Variants in C2CD3 observed in about 807,000 individuals in gnomAD.
C2CD3 encodes C2 domain-containing protein 3.
In C2CD3, 148 loss-of-function variants were observed where a neutral mutation model predicts 234.0. The ratio of observed to expected loss-of-function variants is 0.63; its 90% CI spans 0.55 to 0.72. The LOEUF is 0.72. C2CD3 is among the 30% of genes least tolerant of loss of function. C2CD3 has a pLI of 0.00. For synonymous variants in C2CD3, 1,000 were observed against 1,035.4 expected, an observed-to-expected ratio of 0.97 and a Z score of 0.66; for missense variants, 2,577 against 2,811.5, an observed-to-expected ratio of 0.92 and a Z score of 1.89.
chr11:74,073,805 G>A (rs1954908943), intron 24 of C2CD3, among the ~76,000 whole-genome samples: 1 of 152,078 alleles, frequency 6.6e-6, no homozygotes, highest in African/African-American at 2.4e-5. Context: ...TTTAGCTAGA[G>A]GTTGCTAAAA....
At chr11:74,035,895 CTG>C (rs1404851199) in intron 30 of C2CD3, among the ~76,000 whole-genome samples, 2 of 151,958 alleles carry the variant, frequency 1.3e-5, no homozygotes. Context: ...GAGTCTTACT[CTG>C]TTGTCCAGGC....
chr11:74,112,690 T>C (rs1364612645), intron 11 of C2CD3, among the ~76,000 whole-genome samples: 1 of 152,100 alleles, frequency 6.6e-6, no homozygotes, highest in Non-Finnish European at 1.5e-5. Context: ...AATAAGCACA[T>C]GAAAAGATGC....
At position 74,042,081 on chromosome 11, in the gene C2CD3, G is replaced by C. The variant is rs1232956610; in HGVS notation, c.5633C>G (p.Ser1878Cys). The C allele has an allele frequency of 1.9e-6, 3 of 1,613,938 alleles. No individual in the cohort carries two copies. The highest frequency in any genetic ancestry group is 2.2e-5 in the East Asian group (1 of 44,894). Residue 1878 changes from serine (S) to cysteine (C), a missense_variant, in exon 29 of 33, where the codon TCC becomes TGC. Coordinates refer to ENST00000334126, the MANE Select transcript of C2CD3 (RefSeq NM_001286577.2). ...DDKLTTSPLS[S>C]QTSILTSLRK... Reference sequence around the variant, plus strand: ...GAGAGAAGTCAGAATGGAGGTTTGGGAGGACAAAGGTGATGTGGTCAGTTT... The same window carrying C: ...GAGAGAAGTCAGAATGGAGGTTTGGCAGGACAAAGGTGATGTGGTCAGTTT...
At chr11:74,052,095 G>A (rs557179665) in intron 26 of C2CD3, among the ~76,000 whole-genome samples, 7 of 152,206 alleles carry the variant, frequency 4.6e-5, no homozygotes, top group Non-Finnish European at 1.0e-4. Context: ...CCAGGCATAA[G>A]TGGGCTAAGG....
intron 26 of C2CD3, 94 bp downstream of exon 26, chr11:74,054,507 GAAAAAA>G (rs869085401): frequency 9.0e-4 from 247 of 275,258 alleles, no homozygotes; most frequent in Non-Finnish European, 9.3e-4. Flanking sequence ...ACTTGGTTTG[GAAAAAA>G]AAAAAAAAAA....
intron 31 of C2CD3, among the ~76,000 whole-genome samples, chr11:74,031,600 G>C (rs557897168): frequency 3.3e-5 from 5 of 152,186 alleles, no homozygotes; most frequent in Non-Finnish European, 5.9e-5. Context: ...ACAATAAACT[G>C]TCAGTATCTA....
At position 74,085,710 on chromosome 11, in the gene C2CD3, G is replaced by C; in HGVS notation, c.3818C>G (p.Thr1273Ser). The change falls in exon 21 of 33, where the codon ACT (threonine) becomes AGT (serine). Residue 1273 changes from threonine (T) to serine (S), a missense_variant. By Grantham distance (58) the Thr-to-Ser change is moderately conservative (BLOSUM62 1). Coordinates refer to ENST00000334126, the MANE Select transcript of C2CD3 (RefSeq NM_001286577.2). ...HHVEFTCNLV[T>S]QHCSGEACFL... is the part of the protein sequence containing the mutation. ...ACAGGCCTCTCCACTACAGTGCTGA[G>C]TCACCAAGTTACATGTGAACTCAAC... is the stretch of plus-strand genomic sequence containing the variant. 1 of 1,614,116 alleles carries C rather than the reference G, an allele frequency of 6.2e-7. No individual in the cohort carries two copies. The highest frequency in any genetic ancestry group is 8.5e-7 in the Non-Finnish European group (1 of 1,180,020).
In C2CD3 at chr11:74,123,147, A is replaced by G. The variant is rs756589025; in HGVS notation, c.1218-12T>C. ...GGGATAATTCAGCACTGCAGAGATA[A>G]GAAAACAAAGCAGAAGAATTTTAAT... On this transcript the variant is annotated splice_polypyrimidine_tract_variant and intron_variant, in intron 7 of 32. Coordinates refer to ENST00000334126, the MANE Select transcript of C2CD3 (RefSeq NM_001286577.2). The G allele has an allele frequency of 4.7e-5, 75 of 1,603,452 alleles. No homozygotes were observed. The highest frequency in any genetic ancestry group is 5.8e-5 in the Non-Finnish European group (68 of 1,172,588).
At chr11:74,119,658 T>C (rs1237639845) in intron 8 of C2CD3, among the ~76,000 whole-genome samples, 6 of 149,666 alleles carry the variant, frequency 4.0e-5, no homozygotes, top group African/African-American at 1.5e-4. Context: ...TTTTTTGAGA[T>C]GGAGTCTCAG....
intron 26 of C2CD3, among the ~76,000 whole-genome samples, chr11:74,051,677 G>A (rs564386096): frequency 6.6e-6 from 1 of 152,194 alleles, no homozygotes; most frequent in Non-Finnish European, 1.5e-5. Context: ...CTCAGTTCAG[G>A]TGTGCTCCAG....
At chr11:74,091,414 A>G (rs1955889268) in intron 19 of C2CD3, 1 of 154,126 alleles carries the variant, frequency 6.5e-6, no homozygotes. Flanking sequence ...TTATGGAATA[A>G]CAGAATAAGC....
intron 24 of C2CD3, chr11:74,070,677 C>T (rs193260843): frequency 6.6e-6 from 1 of 152,264 alleles, no homozygotes; most frequent in African/African-American, 2.4e-5. Flanking sequence ...ATGACCTTGC[C>T]TCTCCACAGA....
intron 3 of C2CD3, among the ~76,000 whole-genome samples, chr11:74,159,901 G>GTA (rs1856333181): frequency 6.6e-6 from 1 of 151,756 alleles, no homozygotes; most frequent in Admixed American, 6.6e-5. Context: ...CTCTATATAG[G>GTA]TATATATCTT....
At chr11:74,050,383 T>C (rs76094758) in intron 26 of C2CD3, among the ~76,000 whole-genome samples, 3,241 of 152,302 alleles carry the variant, frequency 0.021, 74 homozygotes, top group Admixed American at 0.03. Flanking sequence ...CTGCCTTTAA[T>C]GACTGAGAAG....
At chr11:74,085,975 T>C in intron 20 of C2CD3, 89 bp from the exon 21 acceptor site, 3 of 1,305,416 alleles carry the variant, frequency 2.3e-6, no homozygotes, top group South Asian at 3.0e-5. Flanking sequence ...ATTACTTCTA[T>C]GAGACCACCA....
intron 30 of C2CD3, among the ~76,000 whole-genome samples, chr11:74,035,864 T>TC (rs1952718607): frequency 6.6e-6 from 1 of 152,066 alleles, no homozygotes; most frequent in African/African-American, 2.4e-5. Flanking sequence ...CAATTCTTTT[T>TC]TTTTTGTTTG....
intron 7 of C2CD3, among the ~76,000 whole-genome samples, chr11:74,131,904 C>T (rs1201660354): frequency 6.6e-6 from 1 of 152,148 alleles, no homozygotes. Context: ...TTTAAAACTT[C>T]GGCACATATT....
intron 23 of C2CD3, among the ~76,000 whole-genome samples, chr11:74,077,814 T>A (rs1328771616): frequency 3.2e-5 from 1 of 30,974 alleles, no homozygotes; most frequent in African/African-American, 1.3e-4. Flanking sequence ...TATATATATA[T>A]ATATATATAT....
At chr11:74,056,399 G>A (rs1953950109) in intron 25 of C2CD3, among the ~76,000 whole-genome samples, 1 of 152,166 alleles carries the variant, frequency 6.6e-6, no homozygotes, top group African/African-American at 2.4e-5. Flanking sequence ...AAATCTGAGT[G>A]GCACCACACA....
Sources: gnomAD v4.1 joint callset for allele counts (sites outside exome capture counted in the v4.1 genomes callset) on GRCh38, gnomAD v4.1.1 for gene constraint, MANE v1.5 for transcripts, NCBI Gene and HGNC (gene_info 2026-07-23, HGNC 2026-07-21) for gene names.